ABCA13: variants seen among roughly 807,000 people sequenced by gnomAD.
ABCA13 encodes ATP-binding cassette sub-family A member 13.
A neutral mutation model predicts 478.7 loss-of-function variants in ABCA13; 476 were observed. That is an observed-to-expected ratio of 0.99 (90% CI 0.92 to 1.07). ABCA13 has a LOEUF of 1.07. Ranked by LOEUF, ABCA13 falls within the 50% of genes least tolerant of loss-of-function variation. The pLI is 0.00. For missense variants in ABCA13, 6,060 were observed against 5,910.6 expected, an observed-to-expected ratio of 1.03 and a Z score of -0.83; for synonymous variants, 2,252 against 2,158.9, an observed-to-expected ratio of 1.04 and a Z score of -1.20.
intron 56 of ABCA13, among the ~76,000 whole-genome samples, chr7:48,581,236 CA>C (rs1788680400): frequency 6.6e-6 from 1 of 152,138 alleles, no homozygotes; most frequent in South Asian, 2.1e-4. Context: ...TCACAGGAGA[CA>C]AAACTAATAG....
chr7:48,330,061 C>G (rs776032968), intron 27 of ABCA13, among the ~76,000 whole-genome samples: 541 of 151,352 alleles, frequency 3.6e-3, no homozygotes, highest in South Asian at 5.2e-3. Context: ...ATCCATCCAT[C>G]CATCCATCCA....
In ABCA13 at chr7:48,272,553, C is replaced by T. The variant is rs772967714; in HGVS notation, c.2887C>T (p.Gln963Ter). 1 of 1,613,710 alleles carries T rather than the reference C, an allele frequency of 6.2e-7. No homozygotes were observed. The highest frequency in any genetic ancestry group is 8.5e-7 in the Non-Finnish European group (1 of 1,179,734). The change falls in exon 17 of 62, where the codon CAA becomes TAA. Residue 963 changes from glutamine (Q) to a stop codon, truncating the protein, a stop_gained. Transcript: ENST00000435803. LOFTEE classifies it high-confidence loss of function. ...GGACAAGGATTCAGCTTTACTTCTG[C>T]AAATTTATTCTTCATTTTACCGATA... ...FQDKDSALLL[Q>*]IYSSFYRYIY... is the part of the protein sequence containing the mutation.
At chr7:48,280,475 A>G (rs1362905642) in intron 18 of ABCA13, among the ~76,000 whole-genome samples, 2 of 152,182 alleles carry the variant, frequency 1.3e-5, no homozygotes, top group Non-Finnish European at 2.9e-5. Context: ...CAGTCTTGCT[A>G]GTTGTCATGC....
rs569457128 is a variant in ABCA13 at position 48,465,108 on chromosome 7, A to G, written c.12816-1848A>G. 3.3e-5 allele frequency among the ~76,000 whole-genome samples: 5 copies of G among 152,316 alleles called. No individual in the cohort carries two copies. In the East Asian group the frequency reaches 9.6e-4, roughly 29 times the overall value. ...GGCTGGGCTGGGTGCCGTGCTCAGG[A>G]AGAAATGGTGAGCAACAGGCCCTAG... On this transcript the variant is annotated intron_variant, in intron 43 of 61. Transcript: ENST00000435803.
At chr7:48,331,812 C>T (rs1446490462) in intron 27 of ABCA13, among the ~76,000 whole-genome samples, 1 of 152,072 alleles carries the variant, frequency 6.6e-6, no homozygotes, top group Non-Finnish European at 1.5e-5. Flanking sequence ...TTTGTGTATT[C>T]ATCGCCAGCA....
chr7:48,354,204 AG>A (rs1211505247), intron 31 of ABCA13, among the ~76,000 whole-genome samples: 1 of 151,982 alleles, frequency 6.6e-6, no homozygotes, highest in African/African-American at 2.4e-5. Context: ...ATCTCCTTCT[AG>A]CTCCAAAGTA....
At chr7:48,341,772 CTTAAA>C (rs2128958953) in intron 29 of ABCA13, among the ~76,000 whole-genome samples, 1 of 144,796 alleles carries the variant, frequency 6.9e-6, no homozygotes. Flanking sequence ...GAGATGAATA[CTTAAA>C]TTATTCATGT....
chr7:48,513,027 G>A (rs1026833856), intron 51 of ABCA13, among the ~76,000 whole-genome samples: 1 of 152,180 alleles, frequency 6.6e-6, no homozygotes, highest in Non-Finnish European at 1.5e-5. Flanking sequence ...TTGGAGCACA[G>A]CCAGTGGAAC....
At chr7:48,599,742 G>T (rs756709574) in intron 58 of ABCA13, among the ~76,000 whole-genome samples, 3 of 152,140 alleles carry the variant, frequency 2.0e-5, no homozygotes, top group Non-Finnish European at 4.4e-5. Context: ...AATTGTGGTT[G>T]TATTCCAATA....
intron 42 of ABCA13, among the ~76,000 whole-genome samples, chr7:48,444,800 C>T (rs895483081): frequency 4.6e-5 from 7 of 152,136 alleles, no homozygotes. Flanking sequence ...ACGTTTAAGT[C>T]CAACTCATGA....
rs1240729483 is a variant in ABCA13, at chr7:48,387,931, C to T, written c.11445C>T (p.Phe3815=). ...KRQYFLSSSL[F]FFNENFDNKG... ...AATACTTTCTAAGTTCTAGTCTGTT[C>T]TTCTTCAATGAGAACTTTGACAATA... is the stretch of plus-strand genomic sequence containing the variant. Residue 3815 remains phenylalanine (F), a synonymous_variant, in exon 36 of 62, where the codon TTC becomes TTT. Coordinates refer to ENST00000435803, the MANE Select transcript of ABCA13 (RefSeq NM_152701.5). 1 of 1,609,582 alleles carries T rather than the reference C, an allele frequency of 6.2e-7. No homozygotes were observed. Among genetic ancestry groups the T allele is most frequent in the Admixed American group, 1.7e-5 (1 of 59,590 alleles).
chr7:48,578,901 C>G (rs1402415485), intron 55 of ABCA13, among the ~76,000 whole-genome samples: 4 of 152,186 alleles, frequency 2.6e-5, no homozygotes, highest in African/African-American at 9.6e-5. Flanking sequence ...ATCATCTTTG[C>G]AACAAATGGT....
At position 48,275,001 on chromosome 7, in the gene ABCA13, C is replaced by T. The variant is rs1382252954; in HGVS notation, c.5335C>T (p.His1779Tyr). Residue 1779 changes from histidine to tyrosine, a missense_variant, in exon 17 of 62, where the codon CAT (histidine) becomes TAT (tyrosine). Coordinates refer to ENST00000435803, the MANE Select transcript of ABCA13 (RefSeq NM_152701.5). ...GGATGTCTACAGCTTCACACTCCTT[C>T]ATGGCATAACCATTTCAAATATCAC... ...LKDVYSFTLL[H>Y]GITISNITKE... 1 of 1,613,924 alleles carries T rather than the reference C, an allele frequency of 6.2e-7. No homozygotes were observed. Among genetic ancestry groups the T allele is most frequent in the South Asian group, 1.1e-5 (1 of 91,070 alleles).
At chr7:48,635,713 T>A (rs559171682) in intron 59 of ABCA13, among the ~76,000 whole-genome samples, 60 of 152,252 alleles carry the variant, frequency 3.9e-4, no homozygotes, top group African/African-American at 1.2e-3. Context: ...GAGAGCCCTG[T>A]GTTCTTGGAT....
At chr7:48,271,740 A>G (rs1472397931) in intron 16 of ABCA13, 47 bp from the exon 17 acceptor site, 1 of 1,146,404 alleles carries the variant, frequency 8.7e-7, no homozygotes, top group Non-Finnish European at 1.1e-6. Context: ...TGATAAATCA[A>G]ATTTATTTTT....
chr7:48,606,721 C>T (rs1175664768), intron 58 of ABCA13, among the ~76,000 whole-genome samples: 1 of 152,192 alleles, frequency 6.6e-6, no homozygotes, highest in Non-Finnish European at 1.5e-5. Context: ...GCAGTCTGTC[C>T]CTTATCGGAG....
At chr7:48,437,325 T>C (rs1369465809) in intron 42 of ABCA13, among the ~76,000 whole-genome samples, 2 of 152,062 alleles carry the variant, frequency 1.3e-5, no homozygotes, top group East Asian at 3.8e-4. Context: ...TATCTGATAT[T>C]AGAATAGCCA....
chr7:48,172,107 A>T (rs1009330438), intron 1 of ABCA13, among the ~76,000 whole-genome samples: 1 of 152,254 alleles, frequency 6.6e-6, no homozygotes, highest in African/African-American at 2.4e-5. Context: ...GAATTGTTCA[A>T]ATGAAACTTG....
chr7:48,393,591 G>A (rs1421862957), intron 38 of ABCA13, among the ~76,000 whole-genome samples: 1 of 152,180 alleles, frequency 6.6e-6, no homozygotes, highest in Admixed American at 6.5e-5. Context: ...TAAGGTGAAA[G>A]CTCACAGGGT....
Sources: gnomAD v4.1 joint callset for allele counts (sites outside exome capture counted in the v4.1 genomes callset) on GRCh38, gnomAD v4.1.1 for gene constraint, MANE v1.5 for transcripts, NCBI Gene and HGNC (gene_info 2026-07-23, HGNC 2026-07-21) for gene names.